CADM2: variants seen among roughly 807,000 people sequenced by gnomAD.
CADM2 encodes the protein cell adhesion molecule 2.
In CADM2, 12 loss-of-function variants were observed where a neutral mutation model predicts 49.8. The observed-to-expected ratio is 0.24, with a 90% CI of 0.15 to 0.39. CADM2 has a LOEUF of 0.39. Among genes scored for constraint, CADM2 ranks in the 10% least tolerant of loss-of-function variants. CADM2 has a pLI of 1.00. For missense variants in CADM2, 378 were observed against 492.3 expected (o/e 0.77, Z 2.20); for synonymous variants, 214 against 175.4 (o/e 1.22, Z -1.74).
chr3:85,612,289 G>A (rs964789953), intron 1 of CADM2, among the ~76,000 whole-genome samples: 3 of 151,886 alleles, frequency 2.0e-5, no homozygotes, highest in Non-Finnish European at 4.4e-5. Context: ...GCCACACTTA[G>A]CACTGTGCTA....
chr3:85,293,033 A>G (rs1292046450), intron 1 of CADM2, among the ~76,000 whole-genome samples: 4 of 152,224 alleles, frequency 2.6e-5, no homozygotes, highest in South Asian at 4.1e-4. Context: ...CAAAATTGAT[A>G]GACCGCTAGC....
chr3:85,219,503 C>T (rs964937682), intron 1 of CADM2, among the ~76,000 whole-genome samples: 9 of 152,118 alleles, frequency 5.9e-5, no homozygotes, highest in African/African-American at 1.9e-4. Flanking sequence ...CCTAAATATA[C>T]ATTATTTTTA....
intron 8 of CADM2, among the ~76,000 whole-genome samples, chr3:85,968,602 A>C (rs9866273): frequency 0.7 from 105,508 of 151,394 alleles, 38,374 homozygotes; most frequent in African/African-American, 0.92. Context: ...TATTTTCTCA[A>C]CTTATTTACA....
intron 1 of CADM2, among the ~76,000 whole-genome samples, chr3:85,415,419 CA>C (rs111449069): frequency 7.6e-5 from 11 of 145,412 alleles, no homozygotes; most frequent in Non-Finnish European, 1.1e-4. Context: ...CAGCTTTTGC[CA>C]AAAAAAAAAA....
At chr3:85,987,643 G>GTTTATATTTATATAATTTATAATATAAA (rs1273868571) in intron 8 of CADM2, among the ~76,000 whole-genome samples, 7 of 144,596 alleles carry the variant, frequency 4.8e-5, no homozygotes, top group South Asian at 2.2e-4. Context: ...AATAAAATAT[G>GTTTATATTTATATAATTTATAATATAAA]TTTATATTTA....
intron 8 of CADM2, among the ~76,000 whole-genome samples, chr3:85,978,678 CATT>C (rs1428335066): frequency 1.3e-5 from 2 of 151,600 alleles, no homozygotes; most frequent in African/African-American, 2.4e-5. Context: ...CATTTCCTAT[CATT>C]AAGTCTTCCT....
At chr3:85,110,153 A>G (rs1161268205) in intron 1 of CADM2, among the ~76,000 whole-genome samples, 1 of 151,930 alleles carries the variant, frequency 6.6e-6, no homozygotes, top group Non-Finnish European at 1.5e-5. Context: ...TTTAGGAAGG[A>G]TAACTTTACA....
intron 3 of CADM2, among the ~76,000 whole-genome samples, chr3:85,865,750 C>T (rs888554772): frequency 3.9e-5 from 6 of 152,050 alleles, no homozygotes; most frequent in Admixed American, 2.0e-4. Flanking sequence ...GTGAGAGGGA[C>T]GCAGATAAAT....
At chr3:85,022,405 G>C (rs544378834) in intron 1 of CADM2, among the ~76,000 whole-genome samples, 19 of 152,136 alleles carry the variant, frequency 1.2e-4, no homozygotes, top group Non-Finnish European at 1.2e-4. Flanking sequence ...TCTCTAGGTC[G>C]TTCTTATATT....
chr3:85,898,937 G>GTGTATATATATATATATATATATATA lies in CADM2; in HGVS notation c.529+12611_529+12612insGTATATATATATATATATATATATAT, dbSNP rs796467067. Among the ~76,000 whole-genome samples, 37 of 46,694 alleles carry GTGTATATATATATATATATATATATA rather than the reference G, an allele frequency of 7.9e-4. 4 individuals are homozygous for GTGTATATATATATATATATATATATA. Among genetic ancestry groups the GTGTATATATATATATATATATATATA allele is most frequent in the South Asian group, 2.7e-3 (3 of 1,112 alleles). 30.6% of individuals were successfully genotyped at this position (46,694 alleles called of 152,430 possible). ...TCATAAAATCCAATTCATTTATTGT[G>GTGTATATATATATATATATATATATA]TATATATATATATATATATTTTTTT... On this transcript the variant is annotated intron_variant, in intron 5 of 9. Transcript: ENST00000383699.
intron 3 of CADM2, among the ~76,000 whole-genome samples, chr3:85,842,196 A>G (rs952728361): frequency 1.3e-5 from 2 of 152,072 alleles, no homozygotes; most frequent in African/African-American, 4.8e-5. Flanking sequence ...ACTAGAAGGA[A>G]AATCTGTTCT....
rs147616825 is a variant in CADM2 at position 85,961,479 on chromosome 3, G to A, written c.802G>A (p.Val268Ile). 1.9e-6 allele frequency: 3 copies of A among 1,598,518 alleles called. No individual in the cohort carries two copies. Among genetic ancestry groups the A allele is most frequent in the Non-Finnish European group, 2.6e-6 (3 of 1,168,862 alleles). The change falls in exon 8 of 10, where the codon GTT (valine) becomes ATT (isoleucine). Residue 268 changes from valine to isoleucine, a missense_variant. Val to Ile is a conservative substitution (Grantham distance 29). Transcript: ENST00000383699. ...GTTTCAATCCAATAGGCCAGAACCT[G>A]TTTTGTGGACAAAGGATGGCGGAGA... ...ESKGKPLPEP[V>I]LWTKDGGELP...
At chr3:85,165,435 C>G (rs371167496) in intron 1 of CADM2, among the ~76,000 whole-genome samples, 1 of 151,818 alleles carries the variant, frequency 6.6e-6, no homozygotes, top group African/African-American at 2.4e-5. Context: ...AAAAATTGCT[C>G]CTAATGTTAT....
chr3:85,459,714 T>C (rs889805194), intron 1 of CADM2, among the ~76,000 whole-genome samples: 3 of 152,226 alleles, frequency 2.0e-5, no homozygotes, highest in African/African-American at 7.2e-5. Flanking sequence ...TATTGCTGAT[T>C]CATTTTCAGT....
intron 8 of CADM2, among the ~76,000 whole-genome samples, chr3:86,053,515 G>T (rs1051950637): frequency 2.0e-5 from 3 of 152,112 alleles, no homozygotes; most frequent in African/African-American, 7.2e-5. Context: ...AGAGAACAAA[G>T]AATCTCAGGA....
intron 1 of CADM2, among the ~76,000 whole-genome samples, chr3:85,661,663 G>T (rs1165979736): frequency 1.3e-5 from 2 of 151,874 alleles, no homozygotes; most frequent in Admixed American, 6.6e-5. Context: ...ATAAAGGGGA[G>T]AATTCTATAT....
chr3:85,388,098 A>G (rs1446188951), intron 1 of CADM2, among the ~76,000 whole-genome samples: 2 of 152,286 alleles, frequency 1.3e-5, no homozygotes, highest in Non-Finnish European at 2.9e-5. Flanking sequence ...GTGCCATCAC[A>G]ACCTACTGCA....
rs186390058 is a variant in CADM2, at chr3:85,450,547, A to G, written c.62-275975A>G. Among the ~76,000 whole-genome samples, 300 of 152,196 alleles carry G rather than the reference A, an allele frequency of 2.0e-3. 5 individuals are homozygous for G. Among genetic ancestry groups the G allele is most frequent in the Admixed American group, 0.017 (253 of 15,284 alleles). On this transcript the variant is annotated intron_variant, in intron 1 of 9. Transcript: ENST00000383699. ...ATAAATGCAATAAAAAGTACAATATAGAATGAATGCTTCATTTTTACAAGT... is the reference window on the plus strand; with the variant it reads ...ATAAATGCAATAAAAAGTACAATATGGAATGAATGCTTCATTTTTACAAGT...
chr3:85,894,048 G>A (rs1204755463), intron 5 of CADM2, among the ~76,000 whole-genome samples: 9 of 152,120 alleles, frequency 5.9e-5, no homozygotes, highest in African/African-American at 1.7e-4. Context: ...ACATGCACAC[G>A]TATGTTTATT....
Sources: allele counts gnomAD v4.1 joint callset (sites outside exome capture counted in the v4.1 genomes callset), GRCh38; gene constraint gnomAD v4.1.1; transcripts MANE v1.5; gene names NCBI Gene and HGNC (gene_info 2026-07-23, HGNC 2026-07-21).